The following AKR1C2 variants were observed in gnomAD, a reference collection of about 807,000 sequenced individuals.
The protein encoded by AKR1C2 is aldo-keto reductase family 1 member C2.
Under a neutral mutation model 39.8 loss-of-function variants are expected in AKR1C2, and 27 were observed. That is an observed-to-expected ratio of 0.68 (90% CI 0.50 to 0.93). The LOEUF is 0.93. AKR1C2 is among the 40% of genes least tolerant of loss of function. The pLI is 0.00. For synonymous variants in AKR1C2, 114 were observed against 137.9 expected (o/e 0.83, Z 1.22); for missense variants, 263 against 365.1 (o/e 0.72, Z 2.28).
chr10:5,002,481 G>A (rs1554773949), intron 1 of AKR1C2, among the ~76,000 whole-genome samples: 4 of 152,178 alleles, frequency 2.6e-5, no homozygotes. Context: ...GAGTAAAGAT[G>A]TATACTCTAA....
chr10:5,001,604 A>T lies in AKR1C2; in HGVS notation c.162T>A (p.Val54=), dbSNP rs1554773831. The part of the protein sequence containing the change: ...AGFHHIDSAH[V]YNNEEQVGLA... ...GTCCAACCTGCTCCTCATTATTGTA[A>T]ACATGTGCAGAATCAATATGGTGGA... is the stretch of plus-strand genomic sequence containing the variant. The change falls in exon 2 of 9, where the codon GTT becomes GTA. Residue 54 remains valine, a synonymous_variant. Transcript: ENST00000380753. 1 of 1,613,966 alleles carries T rather than the reference A, an allele frequency of 6.2e-7. No individual in the cohort carries two copies. The highest frequency in any genetic ancestry group is 1.1e-5 in the South Asian group (1 of 91,058).
At chr10:5,006,273 T>C (rs1837400567), upstream of AKR1C2, among the ~76,000 whole-genome samples, 1 of 152,160 alleles carries the variant, frequency 6.6e-6, no homozygotes, top group African/African-American at 2.4e-5. Flanking sequence ...GCATATAGCA[T>C]AAAGTCAAAG....
In AKR1C2 at chr10:5,003,531, T is replaced by G. The variant is rs2801929; in HGVS notation, c.84+221A>C. Among the ~76,000 whole-genome samples the G allele has an allele frequency of 0.18, 25,825 of 140,436 alleles. 3,083 individuals carry two copies. Among genetic ancestry groups the G allele is most frequent in the East Asian group, 0.58 (2,678 of 4,610 alleles). 92.1% of individuals were successfully genotyped at this position (140,436 alleles called of 152,430 possible). On this transcript the variant is annotated intron_variant, in intron 1 of 8. Transcript: ENST00000380753. ...CAAGCCGTGTTCTTTCTGCTGAGTT[T>G]TATAGACTCTGACAAGCTGTGAAAT...
At chr10:5,014,862 G>T (rs188788145) in intron 1 of AKR1C2, 20 of 152,348 alleles carry the variant, frequency 1.3e-4, no homozygotes, top group African/African-American at 4.8e-4. Context: ...GGGCTATCAT[G>T]AAAGAATATT....
chr10:5,012,882 C>A (rs1209573995), intron 1 of AKR1C2, among the ~76,000 whole-genome samples: 1 of 152,142 alleles, frequency 6.6e-6, no homozygotes, highest in Non-Finnish European at 1.5e-5. Flanking sequence ...TCTGTCATCT[C>A]AAAGAAAATT....
At chr10:5,003,185 C>T (rs1171242394) in intron 1 of AKR1C2, among the ~76,000 whole-genome samples, 1 of 149,816 alleles carries the variant, frequency 6.7e-6, no homozygotes, top group South Asian at 2.1e-4. Flanking sequence ...AGAATTTAAA[C>T]TTTCCTTGTT....
chr10:4,992,795 A>C (rs782154640), intron 7 of AKR1C2, among the ~76,000 whole-genome samples: 82 of 152,262 alleles, frequency 5.4e-4, no homozygotes, highest in Non-Finnish European at 8.2e-4. Context: ...ACTAAAATAC[A>C]AAAAATTAGC....
intron 7 of AKR1C2, among the ~76,000 whole-genome samples, chr10:4,994,110 TATATGTC>T (rs1836938023): frequency 6.6e-6 from 1 of 151,786 alleles, no homozygotes; most frequent in Middle Eastern, 3.4e-3. Flanking sequence ...ATATACATGA[TATATGTC>T]ATATATATGA....
intron 1 of AKR1C2, among the ~76,000 whole-genome samples, chr10:5,016,760 C>T (rs1837648375): frequency 1.3e-5 from 2 of 152,188 alleles, no homozygotes; most frequent in East Asian, 1.9e-4. Context: ...TCCACACTGC[C>T]CTAGAAGAAG....
intron 3 of AKR1C2, 199 bp downstream of exon 3, chr10:5,000,351 G>A (rs1360377682): frequency 9.1e-6 from 14 of 1,540,858 alleles, no homozygotes; most frequent in East Asian, 4.9e-5. Flanking sequence ...CTCTTTTCTT[G>A]TAGACATGCA....
rs1727692305 is a variant in AKR1C2 at position 5,001,823 on chromosome 10, C to T, written c.85-142G>A. 1.2e-5 allele frequency: 13 copies of T among 1,108,428 alleles called. No individual in the cohort carries two copies. The Middle Eastern group carries it at 1.1e-3, about 90-fold the overall frequency. 68.7% of individuals were successfully genotyped at this position (1,108,428 alleles called of 1,614,324 possible). On this transcript the variant is annotated intron_variant, in intron 1 of 8. Coordinates refer to ENST00000380753, the MANE Select transcript of AKR1C2 (RefSeq NM_001393392.1). ...TGTAGAATCATAAGCCCATCCCAGT[C>T]TGACTGGGTCTTTCCCATTTAGTAA...
At chr10:5,002,369 T>A (rs1158369442) in intron 1 of AKR1C2, among the ~76,000 whole-genome samples, 1 of 152,226 alleles carries the variant, frequency 6.6e-6, no homozygotes, top group Non-Finnish European at 1.5e-5. Flanking sequence ...GCCAGCAGGT[T>A]TATATTGGAA....
intron 5 of AKR1C2, among the ~76,000 whole-genome samples, chr10:4,998,059 T>G (rs1837122759): frequency 6.6e-6 from 1 of 152,224 alleles, no homozygotes; most frequent in Non-Finnish European, 1.5e-5. Context: ...GATATCTCCA[T>G]AAACAGGTCA....
At position 5,001,653 on chromosome 10, in the gene AKR1C2, A is replaced by G. The variant is rs3207901; in HGVS notation, c.113T>C (p.Val38Ala). Residue 38 changes from valine to alanine, a missense_variant, in exon 2 of 9, where the codon GTC becomes GCC. Coordinates refer to ENST00000380753, the MANE Select transcript of AKR1C2 (RefSeq NM_001393392.1). ...GAACCCGGCTTCTATTGCCAATTTG[A>G]CGGCCTCTAGAGCTTTACTTTTAGG... is the stretch of plus-strand genomic sequence containing the variant. ...EVPKSKALEAVKLAIEAGFHH... is the reference protein window; with the variant it reads ...EVPKSKALEAAKLAIEAGFHH... 3.7e-6 allele frequency: 6 copies of G among 1,613,874 alleles called. No homozygotes were observed. Among genetic ancestry groups the G allele is most frequent in the East Asian group, 4.5e-5 (2 of 44,876 alleles).
chr10:4,995,707 T>A (rs1232807958), intron 6 of AKR1C2, 49 bp downstream of exon 6: 2 of 1,536,310 alleles, frequency 1.3e-6, no homozygotes, highest in African/African-American at 1.3e-5. Context: ...TGATTAAATT[T>A]TTTTTATCAA....
chr10:4,995,252 C>T lies in AKR1C2; in HGVS notation c.846+67G>A, dbSNP rs554091740. 1.7e-4 allele frequency: 207 copies of T among 1,199,532 alleles called. 2 individuals are homozygous for T. The African/African-American group carries it at 2.8e-3, about 16-fold the overall frequency. 74.3% of individuals were successfully genotyped at this position (1,199,532 alleles called of 1,614,324 possible). ...GCTGGCCCAAGGCTGTCCTGAGAGC[C>T]TTACAAGAAGCACACGTGTGAAGGA... On this transcript the variant is annotated intron_variant, in intron 7 of 8. Coordinates refer to ENST00000380753, the MANE Select transcript of AKR1C2 (RefSeq NM_001393392.1).
chr10:4,999,094 A>C lies in AKR1C2; in HGVS notation c.447+106T>G. On this transcript the variant is annotated intron_variant, in intron 4 of 8. Coordinates refer to ENST00000380753, the MANE Select transcript of AKR1C2 (RefSeq NM_001393392.1). The stretch of plus-strand genomic sequence containing the variant: ...AAAAACTACCTTTGTAAAGTTCCTA[A>C]GTTTTTGATCCAATGGTGCATTTTC... 1.9e-6 allele frequency: 3 copies of C among 1,549,826 alleles called. No individual in the cohort carries two copies. The South Asian group carries it at 3.6e-5, about 19-fold the overall frequency.
chr10:5,017,445 C>A (rs1331506426), intron 1 of AKR1C2, among the ~76,000 whole-genome samples: 3 of 152,170 alleles, frequency 2.0e-5, no homozygotes, highest in African/African-American at 4.8e-5. Flanking sequence ...CTCAAAGTGA[C>A]ACAGATCTCT....
intron 1 of AKR1C2, among the ~76,000 whole-genome samples, chr10:5,014,053 C>G (rs566677339): frequency 6.6e-6 from 1 of 152,294 alleles, no homozygotes; most frequent in African/African-American, 2.4e-5. Flanking sequence ...CTTTTTAAAA[C>G]TAAATAATGT....
Sources: allele counts gnomAD v4.1 joint callset (sites outside exome capture counted in the v4.1 genomes callset), GRCh38; gene constraint gnomAD v4.1.1; transcripts MANE v1.5; gene names NCBI Gene and HGNC (gene_info 2026-07-23, HGNC 2026-07-21).